The following YY1 variants were observed in gnomAD, a reference collection of about 807,000 sequenced individuals.
YY1 encodes the protein YY1 transcription factor, also known as transcriptional repressor protein YY1.
Under a neutral mutation model 35.6 loss-of-function variants are expected in YY1, and 2 were observed. The observed-to-expected ratio is 0.06, with a 90% CI of 0.02 to 0.18. The LOEUF is 0.18. Ranked by LOEUF, YY1 falls within the 10% of genes least tolerant of loss-of-function variation. The pLI, the probability that YY1 is intolerant of heterozygous loss-of-function variation, is 1.00. For synonymous variants in YY1, 268 were observed against 238.9 expected, an observed-to-expected ratio of 1.12 and a Z score of -1.12; for missense variants, 322 against 573.4, an observed-to-expected ratio of 0.56 and a Z score of 4.48.
chr14:100,272,596 GT>G (rs1891257975), intron 2 of YY1, among the ~76,000 whole-genome samples: 1 of 151,096 alleles, frequency 6.6e-6, no homozygotes, highest in African/African-American at 2.4e-5. Context: ...CAAAAGAGTG[GT>G]GGTAAATTAG....
Position 100,276,366 on chromosome 14 carries a change from T to C in YY1, c.904-124T>C, listed in dbSNP as rs1207054786. On this transcript the variant is annotated intron_variant, in intron 3 of 4. Transcript: ENST00000262238. This position sits in a 1 kb window ranked among gnomAD's most constrained non-coding sequence, Gnocchi z 4.1. ...ATTAATGTTCTACCGTAATACTAAG[T>C]AAAATTAAAATGGGGGGTTGGGGAG... The C allele has an allele frequency of 7.5e-7, 1 of 1,336,852 alleles. No individual in the cohort carries two copies. Among genetic ancestry groups the C allele is most frequent in the Non-Finnish European group, 1.1e-6 (1 of 949,754 alleles). The allele number at this position is 1,336,852 out of a possible 1,614,324, so 82.8% of individuals were successfully genotyped here. A position where few individuals can be genotyped will look rare whatever the true frequency, so the allele number is the denominator to read the frequency against.
In YY1 at chr14:100,239,198, G is replaced by A; in HGVS notation, c.-47G>A. 1 of 1,382,102 alleles carries A rather than the reference G, an allele frequency of 7.2e-7. No homozygotes were observed. The highest frequency in any genetic ancestry group is 9.3e-7 in the Non-Finnish European group (1 of 1,072,368). 85.6% of individuals were successfully genotyped at this position (1,382,102 alleles called of 1,614,324 possible). ...CCGCCTCCTCGCCCGCCCGCCCGCA[G>A]CCGAGGAGCCGAGGCCGCCGCGGCC... On this transcript the variant is annotated 5_prime_UTR_variant, in exon 1 of 5. Transcript: ENST00000262238.
intron 1 of YY1, among the ~76,000 whole-genome samples, chr14:100,260,918 C>T (rs1273329796): frequency 6.6e-6 from 1 of 150,858 alleles, no homozygotes; most frequent in Non-Finnish European, 1.5e-5. Context: ...GCCTCAGCTT[C>T]CCAAGTAGCT....
intron 1 of YY1, 147 bp downstream of exon 1, chr14:100,240,070 G>A: frequency 1.8e-6 from 1 of 557,488 alleles, no homozygotes; most frequent in Non-Finnish European, 2.4e-6. Context: ...CGGCGGGGGC[G>A]CGGCGGCGGC....
rs968776821 is a variant in YY1, at chr14:100,262,207, A to G, written c.680-97A>G. 56 of 1,355,502 alleles carry G rather than the reference A, an allele frequency of 4.1e-5. 1 individual carries two copies. The South Asian group carries it at 5.4e-4, about 13-fold the overall frequency. The allele number at this position is 1,355,502 out of a possible 1,614,324, so 84.0% of individuals were successfully genotyped here. A position where few individuals can be genotyped will look rare whatever the true frequency, so the allele number is the denominator to read the frequency against. On this transcript the variant is annotated intron_variant, in intron 1 of 4. Transcript: ENST00000262238. ...GGGAGAACAAATTGAGCTGGTGGCT[A>G]TAAATCACCCCATTTAAGAAGTTAC... is the stretch of plus-strand genomic sequence containing the variant.
intron 2 of YY1, among the ~76,000 whole-genome samples, chr14:100,273,375 C>G (rs571755047): frequency 1.1e-4 from 17 of 152,266 alleles, no homozygotes; most frequent in African/African-American, 3.9e-4. Context: ...GCAGCCTTGA[C>G]CTTCTGGGCT....
rs557102788 is a variant in YY1 at position 100,254,763 on chromosome 14, A to T, written c.680-7541A>T. 2.4e-4 allele frequency among the ~76,000 whole-genome samples: 26 copies of T among 108,678 alleles called. 1 individual carries two copies. In the South Asian group the frequency reaches 8.7e-3, roughly 36 times the overall value. The allele number at this position is 108,678 out of a possible 152,430, so 71.3% of individuals were successfully genotyped here. On this transcript the variant is annotated intron_variant, in intron 1 of 4. Coordinates refer to ENST00000262238, the MANE Select transcript of YY1 (RefSeq NM_003403.5). ...CGAGCCACCATGCCTAGCCTATTTTATTTATTTATTTATTTTTTTTTTTTT... is the reference window on the plus strand; with the variant it reads ...CGAGCCACCATGCCTAGCCTATTTTTTTTATTTATTTATTTTTTTTTTTTT...
At chr14:100,240,953 C>T (rs1413241422) in intron 1 of YY1, among the ~76,000 whole-genome samples, 1 of 152,044 alleles carries the variant, frequency 6.6e-6, no homozygotes, top group East Asian at 1.9e-4. Context: ...ATGAAAAGAA[C>T]GATAATAGAA....
chr14:100,275,578 A>G (rs1407539262), intron 3 of YY1, among the ~76,000 whole-genome samples: 1 of 152,258 alleles, frequency 6.6e-6, no homozygotes, highest in East Asian at 1.9e-4. Context: ...TAATGGACAC[A>G]TAATACTTGT....
At chr14:100,261,482 G>T (rs1891085793) in intron 1 of YY1, among the ~76,000 whole-genome samples, 1 of 152,114 alleles carries the variant, frequency 6.6e-6, no homozygotes, top group South Asian at 2.1e-4. Context: ...AACCACTGGT[G>T]CTGGGCCGAA....
At chr14:100,270,262 CAAAAAAAAAAAAAA>C (rs55649674) in intron 2 of YY1, among the ~76,000 whole-genome samples, 7 of 43,522 alleles carry the variant, frequency 1.6e-4, no homozygotes, top group East Asian at 7.1e-4. Context: ...GACTCTGTCT[CAAAAAAAAAAAAAA>C]AAAAAAAAAA....
intron 1 of YY1, among the ~76,000 whole-genome samples, chr14:100,240,221 GCTCGCTCCCCGACGCC>G (rs1266179625): frequency 3.8e-4 from 55 of 143,442 alleles, no homozygotes; most frequent in African/African-American, 1.1e-3. Flanking sequence ...GGGCCGGCGC[GCTCGCTCCCCGACGCC>G]CTCGCTCCCC....
chr14:100,247,524 G>A (rs1042480265), intron 1 of YY1, among the ~76,000 whole-genome samples: 4 of 152,138 alleles, frequency 2.6e-5, no homozygotes, highest in African/African-American at 7.2e-5. Flanking sequence ...GGGACTACAG[G>A]CACGCACCAC....
At chr14:100,269,562 T>C (rs548227349) in intron 2 of YY1, among the ~76,000 whole-genome samples, 1 of 152,366 alleles carries the variant, frequency 6.6e-6, no homozygotes, top group Admixed American at 6.5e-5. Flanking sequence ...TAGTATATGA[T>C]TTTTACTGTT....
intron 2 of YY1, among the ~76,000 whole-genome samples, chr14:100,262,822 G>T (rs1189255384): frequency 6.6e-6 from 1 of 152,160 alleles, no homozygotes; most frequent in Non-Finnish European, 1.5e-5. Context: ...CCTTAAATAG[G>T]CATTGCATTT....
At chr14:100,244,589 C>CT (rs1290373567) in intron 1 of YY1, among the ~76,000 whole-genome samples, 160 of 133,302 alleles carry the variant, frequency 1.2e-3, no homozygotes, top group African/African-American at 3.0e-3. Context: ...CCACCCCTTA[C>CT]TTTTTTTTTT....
At chr14:100,272,758 C>T (rs1891260600) in intron 2 of YY1, among the ~76,000 whole-genome samples, 1 of 152,004 alleles carries the variant, frequency 6.6e-6, no homozygotes, top group Non-Finnish European at 1.5e-5. Flanking sequence ...GCACCCCTCG[C>T]CAGAGCAGTG....
At chr14:100,274,517 T>C (rs559052736) in intron 2 of YY1, among the ~76,000 whole-genome samples, 181 bp from the exon 3 acceptor site, 1 of 152,228 alleles carries the variant, frequency 6.6e-6, no homozygotes, top group African/African-American at 2.4e-5. Context: ...ATGGGAAGAG[T>C]GCTTCACAGT....
intron 1 of YY1, among the ~76,000 whole-genome samples, chr14:100,251,276 G>T (rs778637476): frequency 1.3e-5 from 2 of 152,186 alleles, no homozygotes; most frequent in Admixed American, 1.3e-4. Flanking sequence ...AGAGGAAGTA[G>T]GAGAGGTGTG....
Sources: allele counts gnomAD v4.1 joint callset (sites outside exome capture counted in the v4.1 genomes callset), GRCh38; gene constraint gnomAD v4.1.1; non-coding constraint Gnocchi (gnomAD v3.1); transcripts MANE v1.5; gene names NCBI Gene and HGNC (gene_info 2026-07-23, HGNC 2026-07-21).